The following CLSTN2 variants were observed in gnomAD, a reference collection of about 807,000 sequenced individuals.
The protein encoded by CLSTN2 is calsyntenin 2.
CLSTN2 carries 48 observed loss-of-function variants against 101.2 expected under a neutral mutation model. The observed-to-expected ratio is 0.47, with a 90% CI of 0.38 to 0.60. CLSTN2 has a LOEUF of 0.60. Among genes scored for constraint, CLSTN2 ranks in the 20% least tolerant of loss-of-function variants. The pLI is 0.00. For synonymous variants in CLSTN2, 481 were observed against 463.6 expected, an observed-to-expected ratio of 1.04 and a Z score of -0.48; for missense variants, 1,160 against 1,238.2, an observed-to-expected ratio of 0.94 and a Z score of 0.95.
At chr3:140,012,379 G>A (rs2007097059) in intron 1 of CLSTN2, among the ~76,000 whole-genome samples, 3 of 152,272 alleles carry the variant, frequency 2.0e-5, no homozygotes, top group Middle Eastern at 6.8e-3. Context: ...ATAAAAACAT[G>A]TATTTATCTT....
chr3:140,488,251 C>T (rs1934277089), intron 8 of CLSTN2, among the ~76,000 whole-genome samples: 1 of 152,140 alleles, frequency 6.6e-6, no homozygotes, highest in African/African-American at 2.4e-5. Flanking sequence ...TAAAAATGAA[C>T]AAACATATTT....
At chr3:140,335,786 G>A (rs1221524195) in intron 2 of CLSTN2, among the ~76,000 whole-genome samples, 1 of 152,210 alleles carries the variant, frequency 6.6e-6, no homozygotes, top group Non-Finnish European at 1.5e-5. Flanking sequence ...TTCGAGCCAT[G>A]GGCTTAAGGA....
intron 2 of CLSTN2, among the ~76,000 whole-genome samples, chr3:140,337,020 C>T (rs1156878518): frequency 6.6e-6 from 1 of 152,180 alleles, no homozygotes; most frequent in Non-Finnish European, 1.5e-5. Context: ...ATTCTTCAGT[C>T]TCTGGAGGGC....
chr3:140,080,633 A>T (rs2008579720), intron 1 of CLSTN2, among the ~76,000 whole-genome samples: 1 of 151,866 alleles, frequency 6.6e-6, no homozygotes, highest in Non-Finnish European at 1.5e-5. Flanking sequence ...ATTATTTTCC[A>T]CTAGTCTAAG....
At chr3:140,248,972 A>G (rs1306439188) in intron 2 of CLSTN2, among the ~76,000 whole-genome samples, 5 of 152,168 alleles carry the variant, frequency 3.3e-5, no homozygotes, top group Non-Finnish European at 5.9e-5. Flanking sequence ...GCACTGACAC[A>G]TTGGAAATTC....
chr3:140,063,862 C>T (rs1271415455), intron 1 of CLSTN2, among the ~76,000 whole-genome samples: 5 of 152,148 alleles, frequency 3.3e-5, no homozygotes, highest in African/African-American at 4.8e-5. Flanking sequence ...GATTAAACAA[C>T]TCAATTATGG....
At chr3:140,254,082 C>T (rs1385532490) in intron 2 of CLSTN2, among the ~76,000 whole-genome samples, 1 of 152,100 alleles carries the variant, frequency 6.6e-6, no homozygotes, top group South Asian at 2.1e-4. Context: ...GAAATAATAA[C>T]ATAGGAAGGA....
rs190936885 is a variant in CLSTN2, at chr3:140,283,766, C to T, written c.232+107693C>T. Among the ~76,000 whole-genome samples the T allele has an allele frequency of 3.7e-4, 57 of 152,278 alleles. 2 individuals carry two copies. The Middle Eastern group carries it at 0.02, about 55-fold the overall frequency. Reference sequence around the variant, plus strand: ...ATTTGTTTTTCCAATTTATTTAATGCACTCTTTTTTCCCCTTCTCTCATTA... The same window carrying T: ...ATTTGTTTTTCCAATTTATTTAATGTACTCTTTTTTCCCCTTCTCTCATTA... On this transcript the variant is annotated intron_variant, in intron 2 of 16. Transcript: ENST00000458420.
chr3:140,213,982 G>T (rs968412716), intron 2 of CLSTN2, among the ~76,000 whole-genome samples: 15 of 152,104 alleles, frequency 9.9e-5, no homozygotes, highest in Non-Finnish European at 1.9e-4. Flanking sequence ...CTATCCTTGA[G>T]CTAATCCATT....
In CLSTN2 at chr3:140,343,016, C is replaced by T. The variant is rs76865111; in HGVS notation, c.233-60613C>T. ...CAATGTGGTCACAAGCCCTCCCAGACGGGAGGAGTAGTCAAAGTCACATTG... is the reference window on the plus strand; with the variant it reads ...CAATGTGGTCACAAGCCCTCCCAGATGGGAGGAGTAGTCAAAGTCACATTG... On this transcript the variant is annotated intron_variant, in intron 2 of 16. Transcript: ENST00000458420. Among the ~76,000 whole-genome samples the T allele has an allele frequency of 1.5e-3, 225 of 152,264 alleles. 1 individual carries two copies. The highest frequency in any genetic ancestry group is 4.8e-3 in the African/African-American group (200 of 41,560).
intron 1 of CLSTN2, among the ~76,000 whole-genome samples, chr3:140,124,144 A>C (rs2009391978): frequency 6.6e-6 from 1 of 152,174 alleles, no homozygotes; most frequent in Non-Finnish European, 1.5e-5. Context: ...AACAGAGAAT[A>C]GCATCCTAGG....
At chr3:140,081,445 C>T (rs2008598080) in intron 1 of CLSTN2, among the ~76,000 whole-genome samples, 1 of 152,194 alleles carries the variant, frequency 6.6e-6, no homozygotes, top group African/African-American at 2.4e-5. Context: ...GATTACCTGC[C>T]AGTGCTTTCC....
At chr3:140,326,108 T>A (rs2087330122) in intron 2 of CLSTN2, among the ~76,000 whole-genome samples, 1 of 152,190 alleles carries the variant, frequency 6.6e-6, no homozygotes, top group African/African-American at 2.4e-5. Context: ...ACTGGGTGTG[T>A]CAGAATTCCA....
intron 8 of CLSTN2, chr3:140,508,300 GA>G (rs1934725051): frequency 6.6e-6 from 1 of 152,138 alleles, no homozygotes; most frequent in Admixed American, 6.6e-5. Flanking sequence ...TTATCCCCAG[GA>G]ACGCCCTCCC....
intron 2 of CLSTN2, among the ~76,000 whole-genome samples, chr3:140,197,125 C>G (rs1008727801): frequency 1.2e-4 from 19 of 152,354 alleles, no homozygotes; most frequent in African/African-American, 4.3e-4. Flanking sequence ...CTTGCAAGCA[C>G]TCTTTCTTTC....
intron 16 of CLSTN2, among the ~76,000 whole-genome samples, chr3:140,565,774 T>C (rs143196990): frequency 3.3e-5 from 5 of 152,324 alleles, no homozygotes; most frequent in Non-Finnish European, 5.9e-5. Flanking sequence ...ATGGATAGGA[T>C]TGGCTAAAAT....
At chr3:140,305,052 ACACTCT>A (rs755915218) in intron 2 of CLSTN2, among the ~76,000 whole-genome samples, 12 of 123,200 alleles carry the variant, frequency 9.7e-5, no homozygotes, top group Admixed American at 2.4e-4. Context: ...ACACACACAC[ACACTCT>A]CTCTCTCTCT....
At chr3:140,360,023 C>T (rs1253678548) in intron 2 of CLSTN2, among the ~76,000 whole-genome samples, 4 of 135,560 alleles carry the variant, frequency 3.0e-5, no homozygotes, top group African/African-American at 5.2e-5. Flanking sequence ...CACACACACA[C>T]ACACATATAT....
intron 6 of CLSTN2, among the ~76,000 whole-genome samples, chr3:140,458,059 C>T (rs1401770580): frequency 6.6e-6 from 1 of 152,178 alleles, no homozygotes; most frequent in Non-Finnish European, 1.5e-5. Context: ...TGATCTCCTC[C>T]ACAGATGGAG....
Sources: allele counts gnomAD v4.1 joint callset (sites outside exome capture counted in the v4.1 genomes callset), GRCh38; gene constraint gnomAD v4.1.1; transcripts MANE v1.5; gene names NCBI Gene and HGNC (gene_info 2026-07-23, HGNC 2026-07-21).